ANKRD36: variants seen among roughly 807,000 people sequenced by gnomAD.
ANKRD36 encodes the protein ankyrin repeat domain 36.
ANKRD36 carries 179 observed loss-of-function variants against 278.1 expected under a neutral mutation model. The observed-to-expected ratio is 0.64, with a 90% CI of 0.57 to 0.73. The LOEUF (loss-of-function observed/expected upper bound fraction) is 0.73. ANKRD36 is among the 30% of genes least tolerant of loss of function. ANKRD36 has a pLI of 0.00. For synonymous variants in ANKRD36, 320 were observed against 641.1 expected, an observed-to-expected ratio of 0.50 and a Z score of 7.57; for missense variants, 1,159 against 1,956.7, an observed-to-expected ratio of 0.59 and a Z score of 7.69.
At chr2:97,184,499 C>T (rs941642186) in intron 28 of ANKRD36, among the ~76,000 whole-genome samples, 3 of 151,728 alleles carry the variant, frequency 2.0e-5, no homozygotes, top group Admixed American at 6.6e-5. Flanking sequence ...AAAAATAATA[C>T]TAAATGTATT....
chr2:97,137,457 A>G (rs2041813499), intron 6 of ANKRD36, among the ~76,000 whole-genome samples: 1 of 148,880 alleles, frequency 6.7e-6, no homozygotes, highest in Non-Finnish European at 1.5e-5. Context: ...AGCCTGCATG[A>G]TTTTTTTTTT....
chr2:97,128,648 G>C (rs1371228232), intron 6 of ANKRD36, among the ~76,000 whole-genome samples: 1 of 151,880 alleles, frequency 6.6e-6, no homozygotes, highest in Non-Finnish European at 1.5e-5. Context: ...AGGGAAAATG[G>C]TCTTGACTTC....
intron 70 of ANKRD36, 95 bp downstream of exon 70, chr2:97,244,124 A>C: frequency 7.0e-7 from 1 of 1,423,050 alleles, no homozygotes; most frequent in African/African-American, 1.4e-5. Flanking sequence ...AGGCCTGAAC[A>C]ATCCCCAAAT....
At chr2:97,202,836 G>C (rs928852674) in intron 48 of ANKRD36, among the ~76,000 whole-genome samples, 8 of 151,798 alleles carry the variant, frequency 5.3e-5, no homozygotes, top group South Asian at 2.1e-4. Context: ...CAATCATTTT[G>C]CCAAAGAAGA....
chr2:97,217,903 C>T (rs1469085081), intron 64 of ANKRD36, among the ~76,000 whole-genome samples: 3 of 151,580 alleles, frequency 2.0e-5, no homozygotes, highest in Non-Finnish European at 4.4e-5. Flanking sequence ...GGGGTTTCTG[C>T]TGAGGAAGCC....
At chr2:97,172,859 ATG>A (rs1313845358) in intron 22 of ANKRD36, among the ~76,000 whole-genome samples, 217 of 107,882 alleles carry the variant, frequency 2.0e-3, no homozygotes, top group African/African-American at 6.4e-3. Context: ...GTGTGTGTGT[ATG>A]TGTGTGTATT....
intron 26 of ANKRD36, among the ~76,000 whole-genome samples, chr2:97,183,239 C>T (rs896324312): frequency 1.2e-4 from 18 of 151,602 alleles, no homozygotes; most frequent in African/African-American, 4.4e-4. Flanking sequence ...ATGCATAATA[C>T]CTCTTTGTAA....
At chr2:97,213,508 ATGTAT>A (rs1238259985) in intron 59 of ANKRD36, 29 bp from the exon 60 acceptor site, 3 of 565,470 alleles carry the variant, frequency 5.3e-6, no homozygotes, top group Non-Finnish European at 8.7e-6. Context: ...AACATAGTTT[ATGTAT>A]TGATTATTTT....
intron 46 of ANKRD36, among the ~76,000 whole-genome samples, chr2:97,201,749 T>C (rs1222388742): frequency 9.2e-5 from 14 of 152,040 alleles, no homozygotes; most frequent in African/African-American, 3.4e-4. Context: ...ATTGTGTGCC[T>C]TCTCAGTTAT....
chr2:97,160,160 T>A lies in ANKRD36; in HGVS notation c.1389+1505T>A, dbSNP rs1376182666. Among the ~76,000 whole-genome samples, 7 of 152,418 alleles carry A rather than the reference T, an allele frequency of 4.6e-5. No homozygotes were observed. The East Asian group carries it at 1.3e-3, about 29-fold the overall frequency. ...AAAATATATTTTTAACCTGGAACCC[T>A]CTTAAAGAAATAAATTATTACTTAT... On this transcript the variant is annotated intron_variant, in intron 17 of 75. Coordinates refer to ENST00000420699, the MANE Select transcript of ANKRD36 (RefSeq NM_001354587.1).
chr2:97,117,258 T>G (rs2060828), intron 1 of ANKRD36, among the ~76,000 whole-genome samples: 89,194 of 151,542 alleles, frequency 0.59, 30,471 homozygotes, highest in Non-Finnish European at 0.78. Context: ...ATTTTTTTTT[T>G]TAAATTGAAG....
At chr2:97,183,118 A>G (rs1346374795) in intron 26 of ANKRD36, among the ~76,000 whole-genome samples, 2 of 151,796 alleles carry the variant, frequency 1.3e-5, no homozygotes, top group Non-Finnish European at 2.9e-5. Context: ...CTTCTTTGAC[A>G]TTGATTCCTG....
At position 97,204,111 on chromosome 2, in the gene ANKRD36, G is replaced by T; in HGVS notation, c.2988+15G>T. The T allele has an allele frequency of 1.3e-6, 2 of 1,574,614 alleles. No homozygotes were observed. Among genetic ancestry groups the T allele is most frequent in the Non-Finnish European group, 1.7e-6 (2 of 1,162,510 alleles). On this transcript the variant is annotated intron_variant, in intron 49 of 75. Coordinates refer to ENST00000420699, the MANE Select transcript of ANKRD36 (RefSeq NM_001354587.1). Reference sequence around the variant, plus strand: ...CAGGCTTGAAGGTAATGAAACTGTCGTTTATATTGTGAACTAGTAAATGTA... The same window carrying T: ...CAGGCTTGAAGGTAATGAAACTGTCTTTTATATTGTGAACTAGTAAATGTA...
At chr2:97,209,046 G>A (rs1299617491) in intron 54 of ANKRD36, among the ~76,000 whole-genome samples, 13 of 146,488 alleles carry the variant, frequency 8.9e-5, no homozygotes, top group East Asian at 2.0e-4. Context: ...AGAAGCTTTC[G>A]GAAGGCTAAA....
At chr2:97,224,700 T>G (rs1463922353) in intron 66 of ANKRD36, 106 bp from the exon 67 acceptor site, 11 of 738,646 alleles carry the variant, frequency 1.5e-5, no homozygotes, top group Non-Finnish European at 2.1e-5. Context: ...TCCACCTGCC[T>G]CGGCCTCCCA....
At chr2:97,181,501 G>A (rs2056187504) in intron 24 of ANKRD36, 97 bp from the exon 25 acceptor site, 1 of 1,537,402 alleles carries the variant, frequency 6.5e-7, no homozygotes, top group Non-Finnish European at 8.7e-7. Flanking sequence ...CACTAGTACA[G>A]GCAGGAAGAT....
At position 97,113,706 on chromosome 2, in the gene ANKRD36, T is replaced by G. The variant is rs1336938778; in HGVS notation, c.-34T>G. On this transcript the variant is annotated 5_prime_UTR_variant, in exon 1 of 76. Coordinates refer to ENST00000420699, the MANE Select transcript of ANKRD36 (RefSeq NM_001354587.1). ...GGCGATCCCCGAAGGCGAGCTGAAATACGGCTGCAGGCTACAATTTGCAGC... is the reference window on the plus strand; with the variant it reads ...GGCGATCCCCGAAGGCGAGCTGAAAGACGGCTGCAGGCTACAATTTGCAGC... The G allele has an allele frequency of 3.7e-6, 6 of 1,610,380 alleles. No individual in the cohort carries two copies. Among genetic ancestry groups the G allele is most frequent in the Non-Finnish European group, 5.1e-6 (6 of 1,179,496 alleles).
chr2:97,175,600 AG>A (rs1354652668), intron 22 of ANKRD36, among the ~76,000 whole-genome samples: 2 of 151,662 alleles, frequency 1.3e-5, no homozygotes, highest in African/African-American at 4.8e-5. Flanking sequence ...AATTTTTTGA[AG>A]GGGTTTTTGT....
At chr2:97,223,098 CTTT>C (rs58708702) in intron 66 of ANKRD36, among the ~76,000 whole-genome samples, 5 of 123,982 alleles carry the variant, frequency 4.0e-5, no homozygotes, top group African/African-American at 1.6e-4. Flanking sequence ...TTATTATACA[CTTT>C]TTTTTTTTTT....
Sources: gnomAD v4.1 joint callset for allele counts (sites outside exome capture counted in the v4.1 genomes callset) on GRCh38, gnomAD v4.1.1 for gene constraint, MANE v1.5 for transcripts, NCBI Gene and HGNC (gene_info 2026-07-23, HGNC 2026-07-21) for gene names.